The following SLC35F3 variants were observed in gnomAD, a reference collection of about 807,000 sequenced individuals.
SLC35F3 encodes putative thiamine transporter SLC35F3.
A neutral mutation model predicts 49.9 loss-of-function variants in SLC35F3; 25 were observed. That is an observed-to-expected ratio of 0.50 (90% CI 0.37 to 0.70). SLC35F3 has a LOEUF of 0.70. SLC35F3 is among the 30% of genes least tolerant of loss of function. The probability of loss-of-function intolerance (pLI) is 0.00; values close to 1 mark genes in which losing one functional copy is unlikely to be tolerated. For missense variants in SLC35F3, 525 were observed against 639.8 expected (o/e 0.82, Z 1.94); for synonymous variants, 275 against 265.4 (o/e 1.04, Z -0.35).
chr1:234,310,181 C>G (rs1657311108), intron 4 of SLC35F3, among the ~76,000 whole-genome samples: 1 of 152,154 alleles, frequency 6.6e-6, no homozygotes, highest in Admixed American at 6.5e-5. Context: ...AAACCAGCGC[C>G]GAGAGCATTT....
intron 3 of SLC35F3, among the ~76,000 whole-genome samples, chr1:234,266,878 T>A (rs1045018976): frequency 6.7e-6 from 1 of 148,418 alleles, no homozygotes; most frequent in Admixed American, 6.7e-5. Flanking sequence ...ACATGGTTTT[T>A]TTTTTTTTTT....
intron 2 of SLC35F3, among the ~76,000 whole-genome samples, chr1:233,954,817 A>G (rs555846191): frequency 1.3e-5 from 2 of 152,216 alleles, no homozygotes; most frequent in African/African-American, 4.8e-5. Context: ...CATCCATACC[A>G]TCCTGGGACA....
rs1364914901 is a variant in SLC35F3, at chr1:234,318,908, G to T, written c.1112G>T (p.Trp371Leu). Reference sequence around the variant, plus strand: ...TGGAGCTCTTTTGATGACATTCCATGGGGAAACCTTTGTGGATTTTCAGTT... The same window carrying T: ...TGGAGCTCTTTTGATGACATTCCATTGGGAAACCTTTGTGGATTTTCAGTT... ...EYWSSFDDIP[W>L]GNLCGFSVLL... Residue 371 changes from tryptophan (W) to leucine (L), a missense_variant, in exon 6 of 8, where the codon TGG becomes TTG. By Grantham distance (61) the Trp-to-Leu change is moderately conservative. Coordinates refer to ENST00000366618, the MANE Select transcript of SLC35F3 (RefSeq NM_173508.4). 1 of 1,614,012 alleles carries T rather than the reference G, an allele frequency of 6.2e-7. No individual in the cohort carries two copies. Among genetic ancestry groups the T allele is most frequent in the Admixed American group, 1.7e-5 (1 of 59,992 alleles).
At chr1:234,255,772 T>A (rs969447975) in intron 3 of SLC35F3, among the ~76,000 whole-genome samples, 1 of 152,176 alleles carries the variant, frequency 6.6e-6, no homozygotes, top group Non-Finnish European at 1.5e-5. Flanking sequence ...GGGTTGGGGA[T>A]GAAGGGATGA....
intron 2 of SLC35F3, among the ~76,000 whole-genome samples, chr1:234,053,386 G>T (rs1438440426): frequency 6.6e-6 from 1 of 152,106 alleles, no homozygotes; most frequent in East Asian, 1.9e-4. Context: ...CCTTTACCAT[G>T]TAATGGCCTT....
chr1:234,029,313 A>C (rs1203257424), intron 2 of SLC35F3, among the ~76,000 whole-genome samples: 1 of 152,204 alleles, frequency 6.6e-6, no homozygotes, highest in Non-Finnish European at 1.5e-5. Context: ...GCAATTCATC[A>C]AATGGAGGAG....
chr1:234,306,939 A>G (rs987098784), intron 3 of SLC35F3, among the ~76,000 whole-genome samples: 5 of 152,198 alleles, frequency 3.3e-5, no homozygotes, highest in African/African-American at 9.7e-5. Context: ...CTTCTCTTAG[A>G]AAGGGAAACC....
intron 2 of SLC35F3, among the ~76,000 whole-genome samples, chr1:234,021,100 C>T (rs2102842908): frequency 6.6e-6 from 1 of 152,270 alleles, no homozygotes; most frequent in South Asian, 2.1e-4. Flanking sequence ...ACCACCTACC[C>T]TAAAAGGCAG....
chr1:234,300,357 G>T (rs571126926), intron 3 of SLC35F3, among the ~76,000 whole-genome samples: 7 of 152,306 alleles, frequency 4.6e-5, no homozygotes, highest in African/African-American at 1.7e-4. Flanking sequence ...TCAAATCCAA[G>T]CAATTGTATT....
intron 2 of SLC35F3, among the ~76,000 whole-genome samples, chr1:234,069,702 C>G (rs1469789282): frequency 6.6e-6 from 1 of 152,188 alleles, no homozygotes; most frequent in Non-Finnish European, 1.5e-5. Flanking sequence ...GAACAGGGGT[C>G]CCAAAGTCCC....
At chr1:234,243,583 G>A (rs1487328058) in intron 3 of SLC35F3, among the ~76,000 whole-genome samples, 1 of 152,208 alleles carries the variant, frequency 6.6e-6, no homozygotes, top group Non-Finnish European at 1.5e-5. Context: ...AATCCTTTTA[G>A]AGGATGTAGG....
intron 2 of SLC35F3, among the ~76,000 whole-genome samples, chr1:234,189,168 G>T (rs4027087): frequency 0.082 from 12,391 of 150,746 alleles, 1,393 homozygotes; most frequent in African/African-American, 0.26. Flanking sequence ...CCTCAAAAAA[G>T]AAAAAGAAAA....
At chr1:234,164,509 C>T (rs1190769763) in intron 2 of SLC35F3, among the ~76,000 whole-genome samples, 1 of 152,132 alleles carries the variant, frequency 6.6e-6, no homozygotes, top group Non-Finnish European at 1.5e-5. Context: ...GTACCATCCA[C>T]CACCTTGCAG....
In SLC35F3 at chr1:234,168,398, C is replaced by T. The variant is rs570663919; in HGVS notation, c.284-63019C>T. Among the ~76,000 whole-genome samples, 4 of 152,310 alleles carry T rather than the reference C, an allele frequency of 2.6e-5. No individual in the cohort carries two copies. In the South Asian group the frequency reaches 8.3e-4, roughly 32 times the overall value. On this transcript the variant is annotated intron_variant, in intron 2 of 7. Transcript: ENST00000366618. ...GCCCAGTCATTTGCAGGCACTTCTC[C>T]ATTAACCTCTAGAGCCCTTCATTCT...
chr1:234,147,614 T>C (rs1367071242), intron 2 of SLC35F3, among the ~76,000 whole-genome samples: 1 of 152,192 alleles, frequency 6.6e-6, no homozygotes, highest in Non-Finnish European at 1.5e-5. Flanking sequence ...TCTGGTAATT[T>C]TTTGGATAAA....
intron 2 of SLC35F3, among the ~76,000 whole-genome samples, chr1:233,927,898 A>G (rs1662185139): frequency 6.6e-6 from 1 of 152,204 alleles, no homozygotes; most frequent in Non-Finnish European, 1.5e-5. Context: ...AAAGTAATGT[A>G]GTAGCTTTAT....
At chr1:234,310,341 G>T (rs1173644224) in intron 4 of SLC35F3, among the ~76,000 whole-genome samples, 10 of 152,092 alleles carry the variant, frequency 6.6e-5, no homozygotes, top group Non-Finnish European at 1.3e-4. Context: ...TCATTGTCCT[G>T]GGAACAATGA....
Position 234,059,600 on chromosome 1 carries a change from G to GACAT in SLC35F3, c.283+153843_283+153844insCATA, listed in dbSNP as rs1664507985. Reference sequence around the variant, plus strand: ...AGAGATAGAGCTAGAGCTAGAGCTAGAGACATAGACATAGACTAGACATAG... The same window carrying GACAT: ...AGAGATAGAGCTAGAGCTAGAGCTAGACATAGACATAGACATAGACTAGACATAG... On this transcript the variant is annotated intron_variant, in intron 2 of 7. Coordinates refer to ENST00000366618, the MANE Select transcript of SLC35F3 (RefSeq NM_173508.4). Among the ~76,000 whole-genome samples the GACAT allele has an allele frequency of 5.4e-5, 8 of 148,836 alleles. No individual in the cohort carries two copies. The South Asian group carries it at 1.8e-3, about 33-fold the overall frequency.
At chr1:234,049,379 C>T (rs1302799901) in intron 2 of SLC35F3, among the ~76,000 whole-genome samples, 1 of 152,146 alleles carries the variant, frequency 6.6e-6, no homozygotes, top group East Asian at 1.9e-4. Context: ...TCTCTCCTCT[C>T]TCTTTCTCCC....
Sources: gnomAD v4.1 joint callset for allele counts (sites outside exome capture counted in the v4.1 genomes callset) on GRCh38, gnomAD v4.1.1 for gene constraint, MANE v1.5 for transcripts, NCBI Gene and HGNC (gene_info 2026-07-23, HGNC 2026-07-21) for gene names.